GRIN3A: variants seen among roughly 807,000 people sequenced by gnomAD.
The protein encoded by GRIN3A is glutamate receptor ionotropic, NMDA 3A.
In GRIN3A, 47 loss-of-function variants were observed where a neutral mutation model predicts 92.4. The ratio of observed to expected loss-of-function variants is 0.51; its 90% CI spans 0.40 to 0.65. The LOEUF (loss-of-function observed/expected upper bound fraction) is 0.65. Among genes scored for constraint, GRIN3A ranks in the 30% least tolerant of loss-of-function variants. The pLI, the probability that GRIN3A is intolerant of heterozygous loss-of-function variation, is 0.00. For missense variants in GRIN3A, 1,324 were observed against 1,393.1 expected (o/e 0.95, Z 0.79); for synonymous variants, 527 against 540.6 (o/e 0.97, Z 0.35).
chr9:101,573,030 G>T lies in GRIN3A; in HGVS notation c.*144C>A. 1 of 706,122 alleles carries T rather than the reference G, an allele frequency of 1.4e-6. No individual in the cohort carries two copies. The highest frequency in any genetic ancestry group is 2.5e-6 in the Non-Finnish European group (1 of 396,148). The allele number at this position is 706,122 out of a possible 1,614,324, so 43.7% of individuals were successfully genotyped here. ...GAGAGGAGCTGCTGCTGCACTTTAG[G>T]CGAGGGAGAGCAGACTTGACCTTTA... On this transcript the variant is annotated 3_prime_UTR_variant, in exon 9 of 9. Coordinates refer to ENST00000361820, the MANE Select transcript of GRIN3A (RefSeq NM_133445.3).
At chr9:101,685,385 T>G (rs902516377) in intron 2 of GRIN3A, among the ~76,000 whole-genome samples, 1 of 151,070 alleles carries the variant, frequency 6.6e-6, no homozygotes, top group African/African-American at 2.4e-5. Flanking sequence ...TAAGAAGTTA[T>G]GAGTTTGCCT....
chr9:101,692,855 T>A (rs1187225244), intron 1 of GRIN3A, among the ~76,000 whole-genome samples: 1 of 152,174 alleles, frequency 6.6e-6, no homozygotes, highest in Non-Finnish European at 1.5e-5. Context: ...TTAAATAAAT[T>A]AACTATTCTT....
At chr9:101,597,800 A>T (rs1474464711) in intron 6 of GRIN3A, among the ~76,000 whole-genome samples, 1 of 151,562 alleles carries the variant, frequency 6.6e-6, no homozygotes, top group African/African-American at 2.4e-5. Context: ...TTTACTTCAT[A>T]AAGTTGTAAA....
At chr9:101,652,696 T>C (rs1249690266) in intron 3 of GRIN3A, among the ~76,000 whole-genome samples, 4 of 152,032 alleles carry the variant, frequency 2.6e-5, no homozygotes, top group Non-Finnish European at 4.4e-5. Context: ...TGGTGCAGCC[T>C]AGTTAGCTTT....
At chr9:101,628,467 T>G in intron 3 of GRIN3A, 66 bp from the exon 4 acceptor site, 1 of 1,495,630 alleles carries the variant, frequency 6.7e-7, no homozygotes, top group South Asian at 1.2e-5. Context: ...TAACATTTTT[T>G]TCATAATTCT....
intron 4 of GRIN3A, among the ~76,000 whole-genome samples, 186 bp from the exon 5 acceptor site, chr9:101,623,619 G>T (rs945908745): frequency 2.0e-5 from 3 of 152,156 alleles, no homozygotes; most frequent in Non-Finnish European, 4.4e-5. Context: ...GGGGAGACAG[G>T]CACTCTTATA....
At chr9:101,690,107 A>G (rs563000839) in intron 1 of GRIN3A, among the ~76,000 whole-genome samples, 1 of 152,254 alleles carries the variant, frequency 6.6e-6, no homozygotes, top group African/African-American at 2.4e-5. Flanking sequence ...CAGGCTCAGA[A>G]GAGAGAGGTG....
chr9:101,669,204 T>C (rs1222080103), intron 3 of GRIN3A, among the ~76,000 whole-genome samples: 2 of 152,094 alleles, frequency 1.3e-5, no homozygotes, highest in Non-Finnish European at 2.9e-5. Flanking sequence ...GCCCTGGTCC[T>C]TGACAGTCCC....
chr9:101,580,876 T>C (rs1326790436), intron 6 of GRIN3A, among the ~76,000 whole-genome samples: 2 of 152,228 alleles, frequency 1.3e-5, no homozygotes, highest in Non-Finnish European at 2.9e-5. Context: ...GCAGCAGTTA[T>C]AGCAACAATA....
Position 101,608,478 on chromosome 9 carries a change from C to G in GRIN3A, c.2766+4898G>C, listed in dbSNP as rs531740297. On this transcript the variant is annotated intron_variant, in intron 6 of 8. Transcript: ENST00000361820. ...CATCATCTCAACAGTTTATGGCTTT[C>G]ACTTGTTTTTCAAAACATCTTTTTT... Among the ~76,000 whole-genome samples, 22 of 152,282 alleles carry G rather than the reference C, an allele frequency of 1.4e-4. No individual in the cohort carries two copies. The South Asian group carries it at 4.6e-3, about 32-fold the overall frequency.
intron 3 of GRIN3A, among the ~76,000 whole-genome samples, chr9:101,663,806 G>T (rs904326673): frequency 6.6e-6 from 1 of 150,858 alleles, no homozygotes; most frequent in African/African-American, 2.4e-5. Context: ...ACTGTCATTT[G>T]CCTGTACAAC....
At chr9:101,736,917 G>C (rs10989607) in intron 1 of GRIN3A, among the ~76,000 whole-genome samples, 1 of 151,964 alleles carries the variant, frequency 6.6e-6, no homozygotes. Flanking sequence ...TGCTCTTGTA[G>C]TTCTTCAGAA....
chr9:101,735,775 G>A (rs1315452252), intron 1 of GRIN3A, among the ~76,000 whole-genome samples: 3 of 151,800 alleles, frequency 2.0e-5, no homozygotes, highest in African/African-American at 7.2e-5. Context: ...TTGGTCATTG[G>A]CAGCATTGTG....
chr9:101,724,356 G>A (rs979309812), intron 1 of GRIN3A, among the ~76,000 whole-genome samples: 3 of 152,176 alleles, frequency 2.0e-5, no homozygotes, highest in Non-Finnish European at 1.5e-5. Context: ...CCTCTGGCCC[G>A]GGTGCTAAGC....
Position 101,687,197 on chromosome 9 carries a change from G to T in GRIN3A, c.703C>A (p.Pro235Thr), listed in dbSNP as rs780617232. 148 of 1,613,554 alleles carry T rather than the reference G, an allele frequency of 9.2e-5. No individual in the cohort carries two copies. Among genetic ancestry groups the T allele is most frequent in the Non-Finnish European group, 1.2e-4 (144 of 1,179,704 alleles). The part of the protein sequence containing the change: ...RHEFPRESQN[P>T]LHLQLSLENS... ...TCTAAACTCAGTTGTAGGTGAAGGG[G>T]ATTCTGTATTTAAAGATATGAAAAA... The change falls in exon 2 of 9, where the codon CCC (proline) becomes ACC (threonine). Residue 235 changes from proline to threonine, a missense_variant. Transcript: ENST00000361820.
chr9:101,589,114 G>T (rs1214398497), intron 6 of GRIN3A, among the ~76,000 whole-genome samples: 1 of 152,050 alleles, frequency 6.6e-6, no homozygotes, highest in East Asian at 1.9e-4. Flanking sequence ...GGGACTAAAG[G>T]CATGTGCCAC....
intron 6 of GRIN3A, among the ~76,000 whole-genome samples, chr9:101,587,188 T>C (rs1270160771): frequency 6.6e-6 from 1 of 151,800 alleles, no homozygotes. Context: ...CAGGTGCCTG[T>C]AGTTCCAGCT....
At chr9:101,692,774 A>T (rs1401345599) in intron 1 of GRIN3A, among the ~76,000 whole-genome samples, 1 of 152,160 alleles carries the variant, frequency 6.6e-6, no homozygotes, top group African/African-American at 2.4e-5. Flanking sequence ...CTCACATCTC[A>T]TTTGACCTAT....
chr9:101,698,470 A>T (rs888929940), intron 1 of GRIN3A, among the ~76,000 whole-genome samples: 1 of 152,172 alleles, frequency 6.6e-6, no homozygotes, highest in African/African-American at 2.4e-5. Context: ...AGGTAATTTC[A>T]TCATATGAAC....
Sources: allele counts gnomAD v4.1 joint callset (sites outside exome capture counted in the v4.1 genomes callset), GRCh38; gene constraint gnomAD v4.1.1; transcripts MANE v1.5; gene names NCBI Gene and HGNC (gene_info 2026-07-23, HGNC 2026-07-21).